Variants in ARHGAP18 observed in about 807,000 individuals in gnomAD.
ARHGAP18 encodes rho GTPase-activating protein 18.
A neutral mutation model predicts 86.2 loss-of-function variants in ARHGAP18; 67 were observed. The observed-to-expected ratio is 0.78, with a 90% CI of 0.64 to 0.95. The LOEUF is 0.95. Ranked by LOEUF, ARHGAP18 falls within the 40% of genes least tolerant of loss-of-function variation. The pLI, the probability that ARHGAP18 is intolerant of heterozygous loss-of-function variation, is 0.00. For missense variants in ARHGAP18, 691 were observed against 780.4 expected, an observed-to-expected ratio of 0.89 and a Z score of 1.37; for synonymous variants, 283 against 280.4, an observed-to-expected ratio of 1.01 and a Z score of -0.09.
intron 1 of ARHGAP18, among the ~76,000 whole-genome samples, chr6:129,645,391 T>C (rs73592428): frequency 0.078 from 11,862 of 152,176 alleles, 580 homozygotes; most frequent in African/African-American, 0.14. Flanking sequence ...TAAAGCAACA[T>C]CTGCTAGATG....
chr6:129,624,148 C>T (rs144737832), intron 5 of ARHGAP18, among the ~76,000 whole-genome samples: 1 of 152,220 alleles, frequency 6.6e-6, no homozygotes, highest in East Asian at 1.9e-4. Context: ...ACTTAAAAGC[C>T]AACAATGACT....
rs926891108 is a variant in ARHGAP18 at position 129,585,065 on chromosome 6, A to T, written c.1714-953T>A. Among the ~76,000 whole-genome samples the T allele has an allele frequency of 1.1e-4, 17 of 150,106 alleles. No individual in the cohort carries two copies. In the East Asian group the frequency reaches 1.6e-3, roughly 14 times the overall value. ...GTACATGGTCTTGAATTGTTTTTTT[A>T]AAAAATAAACATCTCAGGAGTTTGA... On this transcript the variant is annotated intron_variant, in intron 12 of 14. Coordinates refer to ENST00000368149, the MANE Select transcript of ARHGAP18 (RefSeq NM_033515.3).
chr6:129,640,579 T>C (rs1166479411), intron 2 of ARHGAP18, among the ~76,000 whole-genome samples: 1 of 152,158 alleles, frequency 6.6e-6, no homozygotes, highest in East Asian at 1.9e-4. Context: ...TGTTTTTAGA[T>C]CTAAGAAATT....
chr6:129,670,547 T>C (rs1584104615), intron 1 of ARHGAP18, among the ~76,000 whole-genome samples: 1 of 152,206 alleles, frequency 6.6e-6, no homozygotes, highest in Admixed American at 6.5e-5. Flanking sequence ...TACCCTCTCA[T>C]AATTTAAAAG....
rs1788198414 is a variant in ARHGAP18, at chr6:129,577,352, C to T, written c.*1161G>A. The T allele has an allele frequency of 6.6e-6, 1 of 152,116 alleles. No homozygotes were observed. The highest frequency in any genetic ancestry group is 1.5e-5 in the Non-Finnish European group (1 of 68,012). The allele number at this position is 152,116 out of a possible 1,614,324, so 9.4% of individuals were successfully genotyped here. ...GTTTGTGCAGCATTCATTTACATCA[C>T]CTTTTATTTACTATATTCTAAACTC... On this transcript the variant is annotated 3_prime_UTR_variant, in exon 15 of 15. Transcript: ENST00000368149.
intron 1 of ARHGAP18, among the ~76,000 whole-genome samples, chr6:129,687,815 G>A (rs1285721795): frequency 6.6e-6 from 1 of 152,092 alleles, no homozygotes; most frequent in Non-Finnish European, 1.5e-5. Context: ...TTTCCAGTGG[G>A]CCTGTGTGCT....
chr6:129,621,820 A>G (rs1789235857), intron 5 of ARHGAP18, among the ~76,000 whole-genome samples: 2 of 152,222 alleles, frequency 1.3e-5, no homozygotes, highest in Admixed American at 1.3e-4. Flanking sequence ...AGTCCTAATA[A>G]GAATTATTAC....
Position 129,580,092 on chromosome 6 carries a change from CA to C in ARHGAP18, c.1877del (p.Leu626CysfsTer19). The C allele has an allele frequency of 6.2e-7, 1 of 1,613,416 alleles. No homozygotes were observed. Among genetic ancestry groups the C allele is most frequent in the Non-Finnish European group, 8.5e-7 (1 of 1,179,614 alleles). Reference sequence around the variant, plus strand: ...TACCAATATTTCCTCCAATTTCATACAAAAAAACTTCTCCTTTCTTGAGAGT... The same window carrying C: ...TACCAATATTTCCTCCAATTTCATACAAAAAACTTCTCCTTTCTTGAGAGT... ...AQTLKKGEVF[L>X]YEIGGNIGER... On this transcript the variant is annotated frameshift_variant, in exon 14 of 15. Coordinates refer to ENST00000368149, the MANE Select transcript of ARHGAP18 (RefSeq NM_033515.3). LOFTEE classifies it high-confidence loss of function.
chr6:129,660,586 A>G (rs960785276), intron 1 of ARHGAP18, among the ~76,000 whole-genome samples: 1 of 152,176 alleles, frequency 6.6e-6, no homozygotes, highest in African/African-American at 2.4e-5. Flanking sequence ...TGCTACCTAA[A>G]TGTGCTCCAC....
chr6:129,602,859 A>G (rs970340112), intron 10 of ARHGAP18, among the ~76,000 whole-genome samples: 3 of 152,058 alleles, frequency 2.0e-5, no homozygotes, highest in Non-Finnish European at 2.9e-5. Context: ...TAATAACGTT[A>G]CTCAAAATAC....
At chr6:129,597,335 TG>T (rs1165199204) in intron 12 of ARHGAP18, among the ~76,000 whole-genome samples, 1 of 152,024 alleles carries the variant, frequency 6.6e-6, no homozygotes, top group Admixed American at 6.6e-5. Flanking sequence ...GAGGTTCCAC[TG>T]TCTTGGCCAG....
At chr6:129,582,542 A>C (rs1378632174) in intron 13 of ARHGAP18, among the ~76,000 whole-genome samples, 1 of 152,180 alleles carries the variant, frequency 6.6e-6, no homozygotes, top group Non-Finnish European at 1.5e-5. Context: ...CTACTAAGTC[A>C]AGGTAGGGAG....
At chr6:129,631,855 G>A (rs1773225499) in intron 4 of ARHGAP18, among the ~76,000 whole-genome samples, 2 of 151,776 alleles carry the variant, frequency 1.3e-5, no homozygotes, top group Non-Finnish European at 2.9e-5. Flanking sequence ...AAATTATTGG[G>A]GCATTATTAA....
chr6:129,594,543 G>A (rs1268602188), intron 12 of ARHGAP18, among the ~76,000 whole-genome samples: 4 of 152,014 alleles, frequency 2.6e-5, no homozygotes, highest in African/African-American at 9.7e-5. Context: ...ACAATCTCTA[G>A]GCTAATCCCA....
rs116832521 is a variant in ARHGAP18 at position 129,580,033 on chromosome 6, C to T, written c.1900+37G>A. ...ATAATAACCACTGGCAATATCAAAA[C>T]AGCATATAAAATGTAAAGAGAAAAA... On this transcript the variant is annotated intron_variant, in intron 14 of 14. Coordinates refer to ENST00000368149, the MANE Select transcript of ARHGAP18 (RefSeq NM_033515.3). 5.8e-4 allele frequency: 892 copies of T among 1,525,954 alleles called. 6 individuals are homozygous for T. The African/African-American group carries it at 0.011, about 19-fold the overall frequency. 94.5% of individuals were successfully genotyped at this position (1,525,954 alleles called of 1,614,324 possible).
chr6:129,585,915 G>A (rs760106662), intron 12 of ARHGAP18, among the ~76,000 whole-genome samples: 62 of 152,118 alleles, frequency 4.1e-4, no homozygotes, highest in Non-Finnish European at 7.2e-4. Flanking sequence ...CCTTGGCTTG[G>A]TTTTTTGACT....
chr6:129,598,875 GATT>G (rs1350436693), intron 12 of ARHGAP18: 1 of 159,272 alleles, frequency 6.3e-6, no homozygotes, highest in Non-Finnish European at 1.4e-5. Context: ...ACTCACTATA[GATT>G]ATATATTCAG....
intron 1 of ARHGAP18, among the ~76,000 whole-genome samples, chr6:129,700,492 A>C (rs1050796638): frequency 3.9e-5 from 6 of 152,236 alleles, no homozygotes; most frequent in African/African-American, 1.4e-4. Flanking sequence ...TGAGCTATTT[A>C]TATAACTTAT....
At chr6:129,605,053 G>A (rs1001839974) in intron 10 of ARHGAP18, among the ~76,000 whole-genome samples, 2 of 152,104 alleles carry the variant, frequency 1.3e-5, no homozygotes, top group Admixed American at 6.6e-5. Flanking sequence ...AAAAAATGAA[G>A]AGGGTAAAGA....
Sources: allele counts gnomAD v4.1 joint callset (sites outside exome capture counted in the v4.1 genomes callset), GRCh38; gene constraint gnomAD v4.1.1; transcripts MANE v1.5; gene names NCBI Gene and HGNC (gene_info 2026-07-23, HGNC 2026-07-21).